The following C16orf54 variants were observed in gnomAD, a reference collection of about 807,000 sequenced individuals.
C16orf54 encodes the protein chromosome 16 open reading frame 54, also known as transmembrane protein C16orf54.
In C16orf54, 2 loss-of-function variants were observed where a neutral mutation model predicts 3.9. That is an observed-to-expected ratio of 0.52 (90% CI 0.21 to 1.63). The LOEUF is 1.63. Among genes scored for constraint, C16orf54 ranks in the 40% most tolerant of loss-of-function variants. The pLI, the probability that C16orf54 is intolerant of heterozygous loss-of-function variation, is 0.21. For missense variants in C16orf54, 272 were observed against 326.3 expected, an observed-to-expected ratio of 0.83 and a Z score of 1.28; for synonymous variants, 128 against 135.1, an observed-to-expected ratio of 0.95 and a Z score of 0.37.
In C16orf54 at chr16:29,744,895, T is replaced by C. The variant is rs1242569249; in HGVS notation, c.57A>G (p.Glu19=). The C allele has an allele frequency of 6.8e-7, 1 of 1,464,384 alleles. No homozygotes were observed. Among genetic ancestry groups the C allele is most frequent in the Non-Finnish European group, 9.0e-7 (1 of 1,110,520 alleles). 90.7% of individuals were successfully genotyped at this position (1,464,384 alleles called of 1,614,324 possible). ...AGGGCAGTGAGGGCCATGGGGCTGC[T>C]TCCCATGCGGGGGGCCCCTCCACGC... ...SGRVEGPPAW[E]AAPWPSLPCG... The change falls in exon 2 of 2, where the codon GAA becomes GAG. Residue 19 remains glutamate, a synonymous_variant. Coordinates refer to ENST00000329410, the MANE Select transcript of C16orf54 (RefSeq NM_175900.4). This position sits in a 1 kb window ranked among gnomAD's most constrained non-coding sequence, Gnocchi z 7.1.
At chr16:29,745,065 G>A (rs1050951317) in intron 1 of C16orf54, 114 bp from the exon 2 acceptor site, 4 of 1,142,302 alleles carry the variant, frequency 3.5e-6, no homozygotes, top group Non-Finnish European at 4.5e-6. Flanking sequence ...GGGCATGGGG[G>A]CTCATGCCTG....
In C16orf54 at chr16:29,743,271, AAAAAG is replaced by A; in HGVS notation, c.*1001_*1005del. On this transcript the variant is annotated 3_prime_UTR_variant, in exon 2 of 2. Transcript: ENST00000329410. ...TCTCAAAAAAAAAAAAAAAAAAAAA[AAAAAG>A]ACAAAGTTTGGAAAATTAAACCCCC... 6.7e-6 allele frequency: 1 copy of A among 149,892 alleles called. No homozygotes were observed. The highest frequency in any genetic ancestry group is 2.5e-5 in the African/African-American group (1 of 40,358). The allele number at this position is 149,892 out of a possible 1,614,324, so 9.3% of individuals were successfully genotyped here.
At chr16:29,745,839 G>C (rs955290256) in intron 1 of C16orf54, 72 bp downstream of exon 1, 1 of 152,672 alleles carries the variant, frequency 6.5e-6, no homozygotes, top group Non-Finnish European at 1.5e-5. Context: ...TCTATCTCTC[G>C]TTTGTCTCTG....
intron 1 of C16orf54, 128 bp from the exon 2 acceptor site, chr16:29,745,079 T>C: frequency 2.8e-6 from 3 of 1,062,426 alleles, no homozygotes; most frequent in Non-Finnish European, 3.7e-6. Context: ...ATGCCTGGAA[T>C]CCCAGCACTT....
rs1261126909 is a variant in C16orf54, at chr16:29,744,317, G to T, written c.635C>A (p.Ala212Asp). The T allele has an allele frequency of 6.2e-7, 1 of 1,613,046 alleles. No homozygotes were observed. The highest frequency in any genetic ancestry group is 1.7e-5 in the Admixed American group (1 of 60,014). The change falls in exon 2 of 2, where the codon GCT (alanine) becomes GAT (aspartate). Residue 212 changes from alanine (A) to aspartate (D), a missense_variant. Ala to Asp is a moderately radical substitution (Grantham distance 126). Coordinates refer to ENST00000329410, the MANE Select transcript of C16orf54 (RefSeq NM_175900.4). This position sits in a 1 kb window ranked among gnomAD's most constrained non-coding sequence, Gnocchi z 7.1. The stretch of plus-strand genomic sequence containing the variant: ...GGTCCGGCCTTCACGCTTCCAGAAA[G>T]CTGAGATCTGCTCCAAGGTGACCCG... ...QPRVTLEQISAFWKREGRTSV... is the reference protein window; with the variant it reads ...QPRVTLEQISDFWKREGRTSV...
Position 29,743,163 on chromosome 16 carries a change from C to G in C16orf54, c.*1114G>C, listed in dbSNP as rs763174423. The stretch of plus-strand genomic sequence containing the variant: ...ATTCTAGAGGTTGAGGTGGGAGGAT[C>G]GCTTGAGCCTAGGAGTTCGAGGCTG... On this transcript the variant is annotated 3_prime_UTR_variant, in exon 2 of 2. Coordinates refer to ENST00000329410, the MANE Select transcript of C16orf54 (RefSeq NM_175900.4). 7.2e-6 allele frequency: 1 copy of G among 138,444 alleles called. No individual in the cohort carries two copies. The highest frequency in any genetic ancestry group is 1.5e-5 in the Non-Finnish European group (1 of 65,808). The allele number at this position is 138,444 out of a possible 1,614,324, so 8.6% of individuals were successfully genotyped here. A position where few individuals can be genotyped will look rare whatever the true frequency, so the allele number is the denominator to read the frequency against.
At position 29,743,426 on chromosome 16, in the gene C16orf54, CTG is replaced by C. The variant is rs1189066063; in HGVS notation, c.*849_*850del. On this transcript the variant is annotated 3_prime_UTR_variant, in exon 2 of 2. Transcript: ENST00000329410. ...TAAGTAAGCCTAGCTTGTGGCAAAT[CTG>C]TCTCTCTGGACACTCCAGCAAGCTG... The C allele has an allele frequency of 1.3e-5, 2 of 152,318 alleles. No homozygotes were observed. Among genetic ancestry groups the C allele is most frequent in the African/African-American group, 4.8e-5 (2 of 41,558 alleles). 9.4% of individuals were successfully genotyped at this position (152,318 alleles called of 1,614,324 possible).
chr16:29,744,677 G>T lies in C16orf54; in HGVS notation c.275C>A (p.Ser92Tyr). The stretch of plus-strand genomic sequence containing the variant: ...GACCGCAGAGCCATACCAGTCCTCA[G>T]AGCGCTCTCGGGCGGTGCCCATGGG... ...IEPMGTARER[S>Y]EDWYGSAVPL... is the part of the protein sequence containing the mutation. Residue 92 changes from serine to tyrosine, a missense_variant, in exon 2 of 2, where the codon TCT becomes TAT. Ser to Tyr is a moderately radical substitution (Grantham distance 144, BLOSUM62 -2). Transcript: ENST00000329410. This position sits in a 1 kb window ranked among gnomAD's most constrained non-coding sequence, Gnocchi z 7.1. 6.8e-7 allele frequency: 1 copy of T among 1,472,200 alleles called. No homozygotes were observed. The highest frequency in any genetic ancestry group is 2.7e-5 in the Admixed American group (1 of 37,022). 91.2% of individuals were successfully genotyped at this position (1,472,200 alleles called of 1,614,324 possible). A position where few individuals can be genotyped will look rare whatever the true frequency, so the allele number is the denominator to read the frequency against.
Position 29,744,129 on chromosome 16 carries a change from C to A in C16orf54, c.*148G>T. On this transcript the variant is annotated 3_prime_UTR_variant, in exon 2 of 2. Transcript: ENST00000329410. This position sits in a 1 kb window ranked among gnomAD's most constrained non-coding sequence, Gnocchi z 7.1. Reference sequence around the variant, plus strand: ...CCTAGTCCACATAGCCTGGCCACCACCCAGACCCGGGGAGGGGGACTCCAG... The same window carrying A: ...CCTAGTCCACATAGCCTGGCCACCAACCAGACCCGGGGAGGGGGACTCCAG... 1 of 771,358 alleles carries A rather than the reference C, an allele frequency of 1.3e-6. No individual in the cohort carries two copies. The highest frequency in any genetic ancestry group is 2.2e-6 in the Non-Finnish European group (1 of 462,718). 47.8% of individuals were successfully genotyped at this position (771,358 alleles called of 1,614,324 possible).
intron 1 of C16orf54, among the ~76,000 whole-genome samples, chr16:29,745,650 T>G (rs1477874528): frequency 6.6e-6 from 1 of 152,136 alleles, no homozygotes; most frequent in Non-Finnish European, 1.5e-5. Context: ...CCCCACCGCC[T>G]GCCGCCAGCA....
chr16:29,745,028 T>C (rs1213100589), intron 1 of C16orf54, 77 bp from the exon 2 acceptor site: 41 of 1,313,360 alleles, frequency 3.1e-5, no homozygotes, highest in Non-Finnish European at 3.6e-5. Flanking sequence ...AGGCAGCAGG[T>C]GTCCAGGAAA....
chr16:29,744,580 T>G lies in C16orf54; in HGVS notation c.372A>C (p.Pro124=). The change falls in exon 2 of 2, where the codon CCA becomes CCC. Residue 124 remains proline (P), a synonymous_variant. Transcript: ENST00000329410. This position sits in a 1 kb window ranked among gnomAD's most constrained non-coding sequence, Gnocchi z 7.1. The stretch of plus-strand genomic sequence containing the variant: ...CAGAATTTGGGGCTGAGGGGGCAGG[T>G]GGGGCTGTTGCTCGGGCCTCCAAAG... ...VGTLEARATA[P]PAPSAPNSAP... is the part of the protein sequence containing the mutation. The G allele has an allele frequency of 6.8e-7, 1 of 1,472,548 alleles. No homozygotes were observed. The highest frequency in any genetic ancestry group is 2.5e-5 in the East Asian group (1 of 40,210). The allele number at this position is 1,472,548 out of a possible 1,614,324, so 91.2% of individuals were successfully genotyped here. A position where few individuals can be genotyped will look rare whatever the true frequency, so the allele number is the denominator to read the frequency against.
intron 1 of C16orf54, 162 bp from the exon 2 acceptor site, chr16:29,745,113 A>T: frequency 1.4e-6 from 1 of 721,262 alleles, no homozygotes; most frequent in Admixed American, 4.1e-5. Context: ...CGGGAGGATC[A>T]CTTGAGCCCA....
chr16:29,745,085 C>A, intron 1 of C16orf54, 134 bp from the exon 2 acceptor site: 1 of 1,019,416 alleles, frequency 9.8e-7, no homozygotes, highest in Non-Finnish European at 1.3e-6. Context: ...GGAATCCCAG[C>A]ACTTTGAGAG....
intron 1 of C16orf54, 50 bp downstream of exon 1, chr16:29,745,861 G>A: frequency 6.5e-6 from 1 of 153,174 alleles, no homozygotes; most frequent in South Asian, 2.1e-4. Flanking sequence ...ACACCTCTCT[G>A]TCCCCCACAT....
In C16orf54 at chr16:29,744,743, G is replaced by T. The variant is rs1968115673; in HGVS notation, c.209C>A (p.Pro70His). ...ALRPDPSHRA[P>H]TLVWRPGGEL... is the part of the protein sequence containing the mutation. Reference sequence around the variant, plus strand: ...TCCTCCTGGGCGCCACACCAGGGTGGGTGCACGGTGGCTGGGGTCTGGGCG... The same window carrying T: ...TCCTCCTGGGCGCCACACCAGGGTGTGTGCACGGTGGCTGGGGTCTGGGCG... Residue 70 changes from proline (P) to histidine (H), a missense_variant, in exon 2 of 2, where the codon CCC (proline) becomes CAC (histidine). By Grantham distance (77) the Pro-to-His change is moderately conservative. Coordinates refer to ENST00000329410, the MANE Select transcript of C16orf54 (RefSeq NM_175900.4). The surrounding 1 kb of genome is among the most constrained non-coding windows in gnomAD (Gnocchi z 7.1). 1.4e-5 allele frequency: 20 copies of T among 1,460,576 alleles called. No individual in the cohort carries two copies. The highest frequency in any genetic ancestry group is 1.8e-5 in the Non-Finnish European group (20 of 1,107,152). 90.5% of individuals were successfully genotyped at this position (1,460,576 alleles called of 1,614,324 possible).
rs1567343556 is a variant in C16orf54, at chr16:29,744,189, G to T, written c.*88C>A. ...GCCTGGGAAGGGCATCTTCGCTGGGGCAGTCTCAATCCTAATGCTGGATCC... is the reference window on the plus strand; with the variant it reads ...GCCTGGGAAGGGCATCTTCGCTGGGTCAGTCTCAATCCTAATGCTGGATCC... On this transcript the variant is annotated 3_prime_UTR_variant, in exon 2 of 2. Transcript: ENST00000329410. This position sits in a 1 kb window ranked among gnomAD's most constrained non-coding sequence, Gnocchi z 7.1. The T allele has an allele frequency of 8.4e-7, 1 of 1,192,124 alleles. No individual in the cohort carries two copies. The highest frequency in any genetic ancestry group is 1.2e-6 in the Non-Finnish European group (1 of 827,444). The allele number at this position is 1,192,124 out of a possible 1,614,324, so 73.8% of individuals were successfully genotyped here.
intron 1 of C16orf54, among the ~76,000 whole-genome samples, chr16:29,745,665 C>T (rs972429791): frequency 3.3e-5 from 5 of 152,148 alleles, no homozygotes; most frequent in East Asian, 1.9e-4. Context: ...CCAGCACCTC[C>T]GCTGGCCCCT....
At position 29,744,493 on chromosome 16, in the gene C16orf54, C is replaced by T. The variant is rs764532004; in HGVS notation, c.459G>A (p.Gly153=). The T allele has an allele frequency of 1.3e-4, 196 of 1,542,912 alleles. No homozygotes were observed. Among genetic ancestry groups the T allele is most frequent in the Non-Finnish European group, 1.6e-4 (181 of 1,144,308 alleles). ...GGGGCCTCCCCTCCCAGGGCTGGGG[C>T]CCCCAGAAGGTGCTCCGGGCTGGGA... ...LEVPARSTFW[G]PQPWEGRPPA... is the part of the protein sequence containing the mutation. The change falls in exon 2 of 2, where the codon GGG becomes GGA. Residue 153 remains glycine (G), a synonymous_variant. Coordinates refer to ENST00000329410, the MANE Select transcript of C16orf54 (RefSeq NM_175900.4). This position sits in a 1 kb window ranked among gnomAD's most constrained non-coding sequence, Gnocchi z 7.1.
Sources: allele counts gnomAD v4.1 joint callset (sites outside exome capture counted in the v4.1 genomes callset), GRCh38; gene constraint gnomAD v4.1.1; non-coding constraint Gnocchi (gnomAD v3.1); transcripts MANE v1.5; gene names NCBI Gene and HGNC (gene_info 2026-07-23, HGNC 2026-07-21).